Variants in MCTP1 observed in about 807,000 individuals in gnomAD.
The protein encoded by MCTP1 is multiple C2 and transmembrane domain containing 1.
A neutral mutation model predicts 120.6 loss-of-function variants in MCTP1; 69 were observed. The observed-to-expected ratio is 0.57, with a 90% CI of 0.47 to 0.70. The LOEUF (loss-of-function observed/expected upper bound fraction) is 0.70, where lower values mean the gene tolerates loss of function less well. Ranked by LOEUF, MCTP1 falls within the 30% of genes least tolerant of loss-of-function variation. The probability of loss-of-function intolerance (pLI) is 0.00; values close to 1 mark genes in which losing one functional copy is unlikely to be tolerated. For missense variants in MCTP1, 1,203 were observed against 1,248.8 expected (o/e 0.96, Z 0.55); for synonymous variants, 529 against 493.1 (o/e 1.07, Z -0.96).
At position 95,271,601 on chromosome 5, in the gene MCTP1, T is replaced by C. The variant is rs190726139; in HGVS notation, c.720+12255A>G. Among the ~76,000 whole-genome samples the C allele has an allele frequency of 2.1e-4, 32 of 152,234 alleles. 1 individual carries two copies. The East Asian group carries it at 6.0e-3, about 28-fold the overall frequency. ...ATGATTGATATTAGTTATTGTGACATCTGGGGTTGAAAGGATTAAGGGACT... is the reference window on the plus strand; with the variant it reads ...ATGATTGATATTAGTTATTGTGACACCTGGGGTTGAAAGGATTAAGGGACT... On this transcript the variant is annotated intron_variant, in intron 1 of 22. Transcript: ENST00000515393.
chr5:95,019,542 C>T (rs62364703), intron 1 of MCTP1, among the ~76,000 whole-genome samples: 164 of 151,836 alleles, frequency 1.1e-3, no homozygotes, highest in African/African-American at 3.8e-3. Flanking sequence ...GTGTTAGTTT[C>T]TTTGTTTGCC....
chr5:95,045,038 C>T lies in MCTP1; in HGVS notation c.721-27554G>A, dbSNP rs925727620. Among the ~76,000 whole-genome samples, 5 of 152,164 alleles carry T rather than the reference C, an allele frequency of 3.3e-5. No homozygotes were observed. The South Asian group carries it at 8.3e-4, about 25-fold the overall frequency. ...CTACTGTAGCTCACAAAGCCCTACA[C>T]AATCTGTATCACCAACTTCTCCAAT... On this transcript the variant is annotated intron_variant, in intron 1 of 22. Transcript: ENST00000515393.
At chr5:95,152,391 G>A (rs1335402998) in intron 1 of MCTP1, among the ~76,000 whole-genome samples, 2 of 152,160 alleles carry the variant, frequency 1.3e-5, no homozygotes, top group Non-Finnish European at 2.9e-5. Flanking sequence ...ATGTGTAGGG[G>A]ACAATATCTT....
intron 10 of MCTP1, among the ~76,000 whole-genome samples, chr5:94,903,503 C>A (rs1257285182): frequency 6.6e-6 from 1 of 152,162 alleles, no homozygotes; most frequent in Non-Finnish European, 1.5e-5. Flanking sequence ...TTAGAGAGAG[C>A]CATAGATTTA....
intron 1 of MCTP1, among the ~76,000 whole-genome samples, chr5:95,102,781 CAT>C (rs1756837148): frequency 6.6e-6 from 1 of 152,196 alleles, no homozygotes; most frequent in South Asian, 2.1e-4. Flanking sequence ...GGAGGTGATA[CAT>C]TAGCTAAGAC....
chr5:95,209,274 A>G (rs527371916), intron 1 of MCTP1, among the ~76,000 whole-genome samples: 32 of 152,302 alleles, frequency 2.1e-4, no homozygotes, highest in African/African-American at 7.2e-4. Context: ...CCAATCAGCC[A>G]TGAAACACCA....
intron 6 of MCTP1, among the ~76,000 whole-genome samples, chr5:94,924,250 C>T (rs1812440103): frequency 1.3e-5 from 2 of 152,016 alleles, no homozygotes; most frequent in Admixed American, 1.3e-4. Context: ...AGTCCACTTA[C>T]CTTTTCATTC....
intron 1 of MCTP1, among the ~76,000 whole-genome samples, chr5:95,047,951 T>C (rs947618266): frequency 6.6e-5 from 10 of 152,176 alleles, no homozygotes; most frequent in Admixed American, 5.9e-4. Flanking sequence ...TGGAATGTAA[T>C]AAGGTGTTAA....
Position 95,206,183 on chromosome 5 carries a change from T to A in MCTP1, c.720+77673A>T, listed in dbSNP as rs575105854. On this transcript the variant is annotated intron_variant, in intron 1 of 22. Transcript: ENST00000515393. ...TGGTATATTCATATAAGGAATATTA[T>A]TTGGCAATAAAAATTAATGAAGTAC... 1.5e-4 allele frequency among the ~76,000 whole-genome samples: 23 copies of A among 152,328 alleles called. No individual in the cohort carries two copies. In the South Asian group the frequency reaches 4.8e-3, roughly 32 times the overall value.
At chr5:95,070,061 C>A (rs1751750019) in intron 1 of MCTP1, among the ~76,000 whole-genome samples, 2 of 152,152 alleles carry the variant, frequency 1.3e-5, no homozygotes. Context: ...TTAGAAACCA[C>A]AATAGGGGAA....
intron 8 of MCTP1, among the ~76,000 whole-genome samples, chr5:94,914,156 G>T (rs1657595320): frequency 6.6e-6 from 1 of 152,122 alleles, no homozygotes; most frequent in South Asian, 2.1e-4. Flanking sequence ...TTTCAATCTG[G>T]ATTCAGCATC....
intron 10 of MCTP1, among the ~76,000 whole-genome samples, chr5:94,906,294 T>A (rs1006949149): frequency 6.6e-6 from 1 of 152,136 alleles, no homozygotes; most frequent in Admixed American, 6.5e-5. Flanking sequence ...AAGAACAGCC[T>A]TGGCAGCATG....
In MCTP1 at chr5:95,284,452, G is replaced by C. The variant is rs953436487; in HGVS notation, c.124C>G (p.Arg42Gly). The C allele has an allele frequency of 2.0e-6, 3 of 1,504,546 alleles. No homozygotes were observed. Among genetic ancestry groups the C allele is most frequent in the Non-Finnish European group, 2.6e-6 (3 of 1,133,288 alleles). 93.2% of individuals were successfully genotyped at this position (1,504,546 alleles called of 1,614,324 possible). ...VGRSKGGGGG[R>G]AGGPERRTAD... ...GTGCGGCGCTCTGGACCCCCAGCGCGCCCGCCCCCGCCGCCCTTGCTCCTG... is the reference window on the plus strand; with the variant it reads ...GTGCGGCGCTCTGGACCCCCAGCGCCCCCGCCCCCGCCGCCCTTGCTCCTG... The change falls in exon 1 of 23, where the codon CGC becomes GGC. Residue 42 changes from arginine (R) to glycine (G), a missense_variant. By Grantham distance (125) the Arg-to-Gly change is moderately radical (BLOSUM62 -2). This residue lies in a region of MCTP1 where 463 missense variants were observed against 377.8 expected (regional missense o/e 1.23). Coordinates refer to ENST00000515393, the MANE Select transcript of MCTP1 (RefSeq NM_024717.7). This position sits in a 1 kb window ranked among gnomAD's most constrained non-coding sequence, Gnocchi z 5.2.
intron 3 of MCTP1, among the ~76,000 whole-genome samples, chr5:94,944,738 G>A (rs958854942): frequency 6.6e-6 from 1 of 152,088 alleles, no homozygotes; most frequent in African/African-American, 2.4e-5. Context: ...GCATAAACAT[G>A]GGAAGAAAAG....
intron 1 of MCTP1, among the ~76,000 whole-genome samples, chr5:95,219,475 A>T (rs1753440181): frequency 1.3e-5 from 2 of 152,210 alleles, no homozygotes; most frequent in African/African-American, 4.8e-5. Flanking sequence ...TAATAAAGTC[A>T]TGTGTATCTA....
chr5:94,832,490 C>T (rs1788739024), intron 17 of MCTP1, among the ~76,000 whole-genome samples: 1 of 152,100 alleles, frequency 6.6e-6, no homozygotes, highest in Admixed American at 6.6e-5. Context: ...TTATATCTCC[C>T]TCTATAAATT....
At chr5:94,858,360 T>G (rs17084159) in intron 17 of MCTP1, among the ~76,000 whole-genome samples, 11,096 of 151,682 alleles carry the variant, frequency 0.073, 725 homozygotes, top group African/African-American at 0.18. Flanking sequence ...TGATTTCCAC[T>G]AATAGAAAAG....
At chr5:94,936,880 A>C (rs1349218051) in intron 5 of MCTP1, among the ~76,000 whole-genome samples, 2 of 152,026 alleles carry the variant, frequency 1.3e-5, no homozygotes, top group Non-Finnish European at 2.9e-5. Context: ...CAATGGGGGA[A>C]TCTTTCTCCC....
At chr5:94,714,194 AAAGTT>A (rs1201538367) in intron 20 of MCTP1, among the ~76,000 whole-genome samples, 10 of 152,180 alleles carry the variant, frequency 6.6e-5, no homozygotes, top group Admixed American at 4.6e-4. Context: ...TTTATTTTAA[AAAGTT>A]AAGGAAAAGG....
Sources: gnomAD v4.1 joint callset for allele counts (sites outside exome capture counted in the v4.1 genomes callset) on GRCh38, gnomAD v4.1.1 for gene constraint, gnomAD v4.1.1 regional missense constraint, Gnocchi (gnomAD v3.1) non-coding constraint, MANE v1.5 for transcripts, NCBI Gene and HGNC (gene_info 2026-07-23, HGNC 2026-07-21) for gene names.